The following STX8 variants were observed in gnomAD, a reference collection of about 807,000 sequenced individuals.
STX8 encodes syntaxin 8, also known as syntaxin-8.
A neutral mutation model predicts 37.5 loss-of-function variants in STX8; 23 were observed. The observed-to-expected ratio is 0.61, with a 90% CI of 0.44 to 0.87. The LOEUF (loss-of-function observed/expected upper bound fraction) is 0.87, where lower values mean the gene tolerates loss of function less well. STX8 is among the 40% of genes least tolerant of loss of function. The pLI, the probability that STX8 is intolerant of heterozygous loss-of-function variation, is 0.00. For synonymous variants in STX8, 115 were observed against 99.1 expected, an observed-to-expected ratio of 1.16 and a Z score of -0.95; for missense variants, 313 against 284.7, an observed-to-expected ratio of 1.10 and a Z score of -0.71.
intron 1 of STX8, 48 bp from the exon 2 acceptor site, chr17:9,568,518 T>A: frequency 6.7e-7 from 1 of 1,496,212 alleles, no homozygotes; most frequent in South Asian, 1.2e-5. Context: ...TCTTTTTTTT[T>A]GAGACGGAGT....
chr17:9,427,448 T>C (rs1402917810), intron 6 of STX8, among the ~76,000 whole-genome samples: 1 of 152,152 alleles, frequency 6.6e-6, no homozygotes, highest in African/African-American at 2.4e-5. Flanking sequence ...ATGTGATATA[T>C]ACATTCCTGA....
intron 4 of STX8, among the ~76,000 whole-genome samples, chr17:9,527,885 C>T (rs953297803): frequency 4.6e-5 from 7 of 152,156 alleles, no homozygotes; most frequent in African/African-American, 1.7e-4. Context: ...GACTCTATTG[C>T]TAAAGAAATA....
chr17:9,448,080 CAGG>C (rs939080436), intron 6 of STX8, among the ~76,000 whole-genome samples: 14 of 149,660 alleles, frequency 9.4e-5, no homozygotes, highest in Admixed American at 8.8e-4. Context: ...AAGGCTGAGA[CAGG>C]AGAACTGTTT....
At chr17:9,566,022 A>G (rs772215494) in intron 2 of STX8, among the ~76,000 whole-genome samples, 1 of 152,206 alleles carries the variant, frequency 6.6e-6, no homozygotes, top group East Asian at 1.9e-4. Flanking sequence ...TGAACAAACA[A>G]CCTACACATT....
intron 6 of STX8, among the ~76,000 whole-genome samples, chr17:9,466,117 C>T (rs1905601654): frequency 6.6e-6 from 1 of 152,030 alleles, no homozygotes; most frequent in South Asian, 2.1e-4. Context: ...ATTACAGGTG[C>T]ACGCCACCAC....
At chr17:9,533,969 G>A (rs1038810123) in intron 4 of STX8, among the ~76,000 whole-genome samples, 2 of 151,938 alleles carry the variant, frequency 1.3e-5, no homozygotes, top group East Asian at 1.9e-4. Flanking sequence ...TTCTCCCATC[G>A]TTTTTGGTAT....
At position 9,436,888 on chromosome 17, in the gene STX8, T is replaced by TTCTG. The variant is rs1904453090; in HGVS notation, c.541+54940_541+54941insCAGA. ...TTCAAACGCTGACTCCTGGTTTGGA[T>TTCTG]ACAGAGCTGAGGTCAGAATTCTTAG... On this transcript the variant is annotated intron_variant, in intron 6 of 7. Transcript: ENST00000306357. Among the ~76,000 whole-genome samples, 3 of 152,254 alleles carry TTCTG rather than the reference T, an allele frequency of 2.0e-5. No individual in the cohort carries two copies. In the South Asian group the frequency reaches 6.2e-4, roughly 31 times the overall value.
chr17:9,453,646 C>T (rs1905109487), intron 6 of STX8, among the ~76,000 whole-genome samples: 1 of 151,958 alleles, frequency 6.6e-6, no homozygotes, highest in African/African-American at 2.4e-5. Context: ...GCATGTGCCA[C>T]CATGCCCAGC....
chr17:9,277,649 A>T (rs1907722584), intron 7 of STX8, among the ~76,000 whole-genome samples: 2 of 152,176 alleles, frequency 1.3e-5, no homozygotes, highest in South Asian at 4.1e-4. Context: ...TTAAGAAGGA[A>T]ATAAACAAGA....
At chr17:9,552,430 A>G (rs1448462809) in intron 3 of STX8, among the ~76,000 whole-genome samples, 2 of 152,212 alleles carry the variant, frequency 1.3e-5, no homozygotes, top group Non-Finnish European at 2.9e-5. Flanking sequence ...GTTACCAAGT[A>G]TCAGTGAAAA....
intron 2 of STX8, among the ~76,000 whole-genome samples, chr17:9,560,676 T>C (rs747702192): frequency 4.6e-5 from 7 of 151,686 alleles, no homozygotes; most frequent in Admixed American, 1.3e-4. Flanking sequence ...TAAACATACA[T>C]GTCTACTTGA....
intron 7 of STX8, among the ~76,000 whole-genome samples, chr17:9,298,119 G>A (rs777862389): frequency 6.6e-6 from 1 of 151,290 alleles, no homozygotes; most frequent in Admixed American, 6.6e-5. Flanking sequence ...CTCCTCCTCC[G>A]TTCCCATTTA....
chr17:9,297,724 A>C (rs767149647), intron 7 of STX8, among the ~76,000 whole-genome samples: 2 of 152,104 alleles, frequency 1.3e-5, no homozygotes, highest in Admixed American at 6.5e-5. Context: ...AATAACAGTA[A>C]AATTAGCCAG....
chr17:9,560,718 A>G (rs1191665008), intron 2 of STX8, among the ~76,000 whole-genome samples: 1 of 150,576 alleles, frequency 6.6e-6, no homozygotes, highest in Non-Finnish European at 1.5e-5. Flanking sequence ...ATTGCAGAAG[A>G]GGTGATAATT....
intron 6 of STX8, among the ~76,000 whole-genome samples, chr17:9,483,994 G>A (rs1906464849): frequency 2.0e-5 from 3 of 152,194 alleles, no homozygotes; most frequent in Admixed American, 2.0e-4. Context: ...ATGAGCAATA[G>A]TGTCATCTTC....
chr17:9,364,139 C>G (rs769762875), intron 7 of STX8, among the ~76,000 whole-genome samples: 86 of 152,150 alleles, frequency 5.7e-4, no homozygotes, highest in Non-Finnish European at 1.2e-3. Flanking sequence ...ATCCAAACCC[C>G]ATGAGCAATC....
chr17:9,428,055 C>A (rs886614535), intron 6 of STX8, among the ~76,000 whole-genome samples: 2 of 152,118 alleles, frequency 1.3e-5, no homozygotes, highest in African/African-American at 2.4e-5. Context: ...ACTCCTAGGA[C>A]CAGTGGCTGC....
rs1196920703 is a variant in STX8, at chr17:9,545,195, C to G, written c.300G>C (p.Glu100Asp). The change falls in exon 4 of 8, where the codon GAG (glutamate) becomes GAC (aspartate). Residue 100 changes from glutamate (E) to aspartate (D), a missense_variant. Coordinates refer to ENST00000306357, the MANE Select transcript of STX8 (RefSeq NM_004853.3). The stretch of plus-strand genomic sequence containing the variant: ...ACCTGATTAGATCTGGTTCGGCACC[C>G]TCATTCTTAAAGGATGCCAGAAGTA... ...ERLLLASFKN[E>D]GAEPDLIRSS... 1.2e-6 allele frequency: 2 copies of G among 1,614,008 alleles called. No individual in the cohort carries two copies. Among genetic ancestry groups the G allele is most frequent in the South Asian group, 1.1e-5 (1 of 91,050 alleles).
chr17:9,500,856 T>C (rs180761109), intron 5 of STX8, among the ~76,000 whole-genome samples: 85 of 151,944 alleles, frequency 5.6e-4, no homozygotes, highest in Admixed American at 1.4e-3. Context: ...ATACAAAAAA[T>C]TAGCCGCGCG....
Sources: allele counts gnomAD v4.1 joint callset (sites outside exome capture counted in the v4.1 genomes callset), GRCh38; gene constraint gnomAD v4.1.1; transcripts MANE v1.5; gene names NCBI Gene and HGNC (gene_info 2026-07-23, HGNC 2026-07-21).